PTPRD: variants seen among roughly 807,000 people sequenced by gnomAD.
PTPRD encodes receptor-type tyrosine-protein phosphatase delta.
A neutral mutation model predicts 214.5 loss-of-function variants in PTPRD; 34 were observed. The observed-to-expected ratio is 0.16, with a 90% confidence interval of 0.12 to 0.21. PTPRD has a LOEUF of 0.21. Ranked by LOEUF, PTPRD falls within the 10% of genes least tolerant of loss-of-function variation. The pLI, the probability that PTPRD is intolerant of heterozygous loss-of-function variation, is 1.00. For synonymous variants in PTPRD, 1,128 were observed against 845.7 expected (o/e 1.33, Z -5.79); for missense variants, 2,545 against 2,398.7 (o/e 1.06, Z -1.27).
At chr9:9,273,437 C>G (rs893719437) in intron 9 of PTPRD, among the ~76,000 whole-genome samples, 3 of 151,216 alleles carry the variant, frequency 2.0e-5, no homozygotes, top group African/African-American at 7.3e-5. Context: ...ATACATATAG[C>G]AGATATTGAG....
chr9:9,630,539 A>C (rs1230817786), intron 7 of PTPRD, among the ~76,000 whole-genome samples: 1 of 152,206 alleles, frequency 6.6e-6, no homozygotes, highest in African/African-American at 2.4e-5. Context: ...ATTAGGCTTA[A>C]ATACTTGAAT....
chr9:8,987,628 G>C (rs978785026), intron 11 of PTPRD, among the ~76,000 whole-genome samples: 1 of 152,172 alleles, frequency 6.6e-6, no homozygotes, highest in Non-Finnish European at 1.5e-5. Flanking sequence ...GTATGTGTGT[G>C]CTTATGTGGA....
intron 8 of PTPRD, among the ~76,000 whole-genome samples, chr9:9,566,057 C>T (rs2084423469): frequency 1.3e-5 from 2 of 151,918 alleles, no homozygotes. Flanking sequence ...GAATTCTATG[C>T]TGTTAGGGCT....
chr9:8,332,285 T>TTAAAGTAAAG (rs527706426), intron 43 of PTPRD, among the ~76,000 whole-genome samples: 2 of 152,056 alleles, frequency 1.3e-5, no homozygotes, highest in Non-Finnish European at 1.5e-5. Context: ...ATGGTGAAAT[T>TTAAAGTAAAG]TAAAGTATCT....
intron 11 of PTPRD, among the ~76,000 whole-genome samples, chr9:8,968,808 C>T (rs1044067962): frequency 1.1e-4 from 16 of 151,838 alleles, no homozygotes; most frequent in Non-Finnish European, 1.9e-4. Context: ...GAGAAAGTAC[C>T]TTCCAAACAA....
At chr9:8,464,405 G>A (rs1160294659) in intron 32 of PTPRD, among the ~76,000 whole-genome samples, 1 of 151,962 alleles carries the variant, frequency 6.6e-6, no homozygotes, top group Non-Finnish European at 1.5e-5. Context: ...CCATTACTTT[G>A]TTTTCAAATG....
chr9:9,917,459 A>AAC (rs2081261935), intron 5 of PTPRD, among the ~76,000 whole-genome samples: 1 of 149,456 alleles, frequency 6.7e-6, no homozygotes, highest in East Asian at 1.9e-4. Flanking sequence ...TCCTAAAAAA[A>AAC]AAAAAAAAAA....
In PTPRD at chr9:9,965,943, A is replaced by G. The variant is rs145599538; in HGVS notation, c.-471-27333T>C. Among the ~76,000 whole-genome samples the G allele has an allele frequency of 2.4e-4, 36 of 152,328 alleles. No homozygotes were observed. The East Asian group carries it at 6.4e-3, about 27-fold the overall frequency. On this transcript the variant is annotated intron_variant, in intron 4 of 45. Transcript: ENST00000381196. The stretch of plus-strand genomic sequence containing the variant: ...ATTTAACATATCAACAGATAATTGC[A>G]TGTATGCATGCTCTCTTTTGTTTGC...
At chr9:10,502,724 T>A (rs185289746) in intron 2 of PTPRD, among the ~76,000 whole-genome samples, 3 of 152,242 alleles carry the variant, frequency 2.0e-5, no homozygotes, top group Non-Finnish European at 1.5e-5. Flanking sequence ...AAAATGTAGG[T>A]ATGTATCTTA....
At chr9:9,998,359 G>T (rs1039016101) in intron 4 of PTPRD, among the ~76,000 whole-genome samples, 1 of 151,272 alleles carries the variant, frequency 6.6e-6, no homozygotes, top group Non-Finnish European at 1.5e-5. Flanking sequence ...AGCCCCAGGT[G>T]ATTCTGGAAA....
intron 11 of PTPRD, among the ~76,000 whole-genome samples, chr9:8,782,721 C>T (rs984021856): frequency 1.1e-4 from 17 of 151,826 alleles, no homozygotes; most frequent in African/African-American, 2.4e-4. Context: ...CCTCAGCCTC[C>T]GGAGTAGCTG....
At chr9:10,530,218 G>C (rs1365876961) in intron 2 of PTPRD, among the ~76,000 whole-genome samples, 2 of 151,882 alleles carry the variant, frequency 1.3e-5, no homozygotes, top group African/African-American at 4.8e-5. Flanking sequence ...CCTGATATTA[G>C]ACTCAAACTT....
rs192228592 is a variant in PTPRD, at chr9:8,905,511, G to C, written c.-104+113186C>G. Reference sequence around the variant, plus strand: ...CCCAATACATTGGGAGGTTGAGGCGGGCGGATTACCTGAGGTCAGGCATTC... The same window carrying C: ...CCCAATACATTGGGAGGTTGAGGCGCGCGGATTACCTGAGGTCAGGCATTC... On this transcript the variant is annotated intron_variant, in intron 11 of 45. Transcript: ENST00000381196. Among the ~76,000 whole-genome samples the C allele has an allele frequency of 1.1e-3, 171 of 152,022 alleles. 1 individual carries two copies. The highest frequency in any genetic ancestry group is 3.9e-3 in the African/African-American group (160 of 41,466).
chr9:8,435,083 T>C (rs905648747), intron 35 of PTPRD, among the ~76,000 whole-genome samples: 4 of 152,310 alleles, frequency 2.6e-5, no homozygotes, highest in Admixed American at 2.0e-4. Context: ...CTATCAAATA[T>C]GTGACAAAGA....
intron 2 of PTPRD, among the ~76,000 whole-genome samples, chr9:10,540,520 TA>T (rs1204811565): frequency 6.6e-6 from 1 of 152,190 alleles, no homozygotes; most frequent in Non-Finnish European, 1.5e-5. Context: ...TGCTAAGTAG[TA>T]GTTTTGGAGT....
At chr9:9,451,536 T>A (rs1588809864) in intron 8 of PTPRD, among the ~76,000 whole-genome samples, 1 of 151,622 alleles carries the variant, frequency 6.6e-6, no homozygotes, top group East Asian at 1.9e-4. Flanking sequence ...GTTTACCCAG[T>A]AAAATGTTTC....
chr9:8,872,623 C>G (rs1166297206), intron 11 of PTPRD, among the ~76,000 whole-genome samples: 2 of 152,238 alleles, frequency 1.3e-5, no homozygotes, highest in African/African-American at 2.4e-5. Context: ...AGCACATCCT[C>G]TAGCATGTAG....
At chr9:10,338,134 A>G (rs2096875623) in intron 3 of PTPRD, among the ~76,000 whole-genome samples, 1 of 151,640 alleles carries the variant, frequency 6.6e-6, no homozygotes, top group Non-Finnish European at 1.5e-5. Flanking sequence ...TATATGGAAT[A>G]CCACTGGGTC....
At chr9:10,420,991 T>C (rs2098540314) in intron 2 of PTPRD, among the ~76,000 whole-genome samples, 1 of 151,864 alleles carries the variant, frequency 6.6e-6, no homozygotes, top group African/African-American at 2.4e-5. Flanking sequence ...ATCATTTGGC[T>C]TCCCTGGGCC....
Sources: gnomAD v4.1 joint callset for allele counts (sites outside exome capture counted in the v4.1 genomes callset) on GRCh38, gnomAD v4.1.1 for gene constraint, MANE v1.5 for transcripts, NCBI Gene and HGNC (gene_info 2026-07-23, HGNC 2026-07-21) for gene names.